The following LRP1B variants were observed in gnomAD, a reference collection of about 807,000 sequenced individuals.
LRP1B encodes the protein low-density lipoprotein receptor-related protein 1B.
In LRP1B, 217 loss-of-function variants were observed where a neutral mutation model predicts 556.6. The ratio of observed to expected loss-of-function variants is 0.39; its 90% CI spans 0.35 to 0.44. The LOEUF is 0.44. Among genes scored for constraint, LRP1B ranks in the 20% least tolerant of loss-of-function variants. LRP1B has a pLI of 1.00. For synonymous variants in LRP1B, 2,047 were observed against 1,865.8 expected (o/e 1.10, Z -2.50); for missense variants, 5,053 against 5,620.8 (o/e 0.90, Z 3.23).
chr2:141,481,636 C>T (rs1340989825), intron 2 of LRP1B, among the ~76,000 whole-genome samples: 1 of 152,176 alleles, frequency 6.6e-6, no homozygotes, highest in Non-Finnish European at 1.5e-5. Flanking sequence ...CTACAAAGCG[C>T]TGAGCACTGC....
intron 2 of LRP1B, among the ~76,000 whole-genome samples, chr2:141,682,546 G>A (rs1691142643): frequency 6.6e-6 from 1 of 152,034 alleles, no homozygotes; most frequent in African/African-American, 2.4e-5. Context: ...CTGAAAAAGT[G>A]GAAAACTTTC....
At chr2:142,010,886 A>G (rs1702941639) in intron 1 of LRP1B, among the ~76,000 whole-genome samples, 1 of 152,182 alleles carries the variant, frequency 6.6e-6, no homozygotes, top group African/African-American at 2.4e-5. Flanking sequence ...AGGGATACAC[A>G]TTAATCACCA....
chr2:141,349,687 TAG>T (rs1460968592), intron 3 of LRP1B, among the ~76,000 whole-genome samples: 1 of 152,114 alleles, frequency 6.6e-6, no homozygotes, highest in African/African-American at 2.4e-5. Context: ...ATCAACTTGT[TAG>T]ATATTTCTCT....
At chr2:141,516,334 C>T (rs1684311772) in intron 2 of LRP1B, among the ~76,000 whole-genome samples, 1 of 152,146 alleles carries the variant, frequency 6.6e-6, no homozygotes, top group Non-Finnish European at 1.5e-5. Flanking sequence ...CAAATCTCCT[C>T]TTTATATACC....
intron 7 of LRP1B, among the ~76,000 whole-genome samples, chr2:141,091,553 G>A (rs1277860907): frequency 6.6e-6 from 1 of 152,060 alleles, no homozygotes; most frequent in African/African-American, 2.4e-5. Flanking sequence ...AGGTGACTTG[G>A]CATGTCTAAA....
chr2:140,304,118 G>A (rs564740656), intron 83 of LRP1B, among the ~76,000 whole-genome samples: 6 of 152,202 alleles, frequency 3.9e-5, no homozygotes, highest in Non-Finnish European at 5.9e-5. Flanking sequence ...CGTAATAAAC[G>A]TACGTGTCCA....
At chr2:140,872,079 T>C (rs1235117610) in intron 25 of LRP1B, among the ~76,000 whole-genome samples, 1 of 73,272 alleles carries the variant, frequency 1.4e-5, no homozygotes, top group Non-Finnish European at 3.0e-5. Context: ...CCTAGGACCT[T>C]GTATTTTTTT....
At chr2:140,892,805 G>A (rs1465382958) in intron 23 of LRP1B, among the ~76,000 whole-genome samples, 1 of 152,136 alleles carries the variant, frequency 6.6e-6, no homozygotes, top group Non-Finnish European at 1.5e-5. Flanking sequence ...ATGTGTGCAT[G>A]CTCTACGACA....
chr2:141,132,717 TA>T (rs977911322), intron 7 of LRP1B, among the ~76,000 whole-genome samples: 60 of 151,596 alleles, frequency 4.0e-4, no homozygotes, highest in African/African-American at 1.4e-3. Flanking sequence ...CTATCCAACT[TA>T]AAAAAAAGTC....
At chr2:141,808,461 G>T (rs148432316) in intron 2 of LRP1B, among the ~76,000 whole-genome samples, 1 of 152,098 alleles carries the variant, frequency 6.6e-6, no homozygotes, top group African/African-American at 2.4e-5. Flanking sequence ...GTTGAAATAC[G>T]GTCTCACTAC....
chr2:140,336,869 T>C (rs1384522525), intron 77 of LRP1B, among the ~76,000 whole-genome samples: 2 of 151,874 alleles, frequency 1.3e-5, no homozygotes, highest in Non-Finnish European at 2.9e-5. Context: ...GCTAGGTTTA[T>C]TGTGCATAAC....
intron 6 of LRP1B, 66 bp from the exon 7 acceptor site, chr2:141,188,649 C>T (rs1205950245): frequency 2.8e-6 from 4 of 1,410,494 alleles, no homozygotes; most frequent in Non-Finnish European, 3.9e-6. Context: ...CCAAAAATAA[C>T]ATAAGTGTTT....
At chr2:140,655,159 A>C (rs914681656) in intron 41 of LRP1B, among the ~76,000 whole-genome samples, 1 of 152,126 alleles carries the variant, frequency 6.6e-6, no homozygotes, top group African/African-American at 2.4e-5. Context: ...CATGCTCAAG[A>C]AATTTTTAAT....
chr2:140,485,452 T>C lies in LRP1B; in HGVS notation c.9316A>G (p.Thr3106Ala). 1 of 1,613,952 alleles carries C rather than the reference T, an allele frequency of 6.2e-7. No homozygotes were observed. Among genetic ancestry groups the C allele is most frequent in the South Asian group, 1.1e-5 (1 of 91,082 alleles). ...WIGKNLYWSD[T>A]EKRIIEVSKL... is the part of the protein sequence containing the mutation. ...GATACTTCAATGATTCTTTTTTCTG[T>C]GTCAGACCAATAGAGGTTTTTTCCA... Residue 3106 changes from threonine (T) to alanine (A), a missense_variant, in exon 59 of 91, where the codon ACA becomes GCA. By Grantham distance (58) the Thr-to-Ala change is moderately conservative. Around this residue, in one of 5 missense-constraint regions of LRP1B, gnomAD observed 3,619 missense variants for 3,931.9 expected, o/e 0.92. Transcript: ENST00000389484.
intron 1 of LRP1B, among the ~76,000 whole-genome samples, chr2:141,894,272 A>C (rs1458786404): frequency 1.3e-5 from 2 of 152,070 alleles, no homozygotes; most frequent in Non-Finnish European, 2.9e-5. Flanking sequence ...ACATGAAAAA[A>C]AATACATACA....
intron 2 of LRP1B, among the ~76,000 whole-genome samples, chr2:141,516,026 A>C (rs1684302102): frequency 6.6e-6 from 1 of 152,206 alleles, no homozygotes; most frequent in South Asian, 2.1e-4. Flanking sequence ...TACAGACAGA[A>C]GACAATTCAG....
At chr2:141,444,479 G>A (rs1348947179) in intron 3 of LRP1B, among the ~76,000 whole-genome samples, 4 of 152,178 alleles carry the variant, frequency 2.6e-5, no homozygotes, top group African/African-American at 9.7e-5. Context: ...TAGGAGTGGT[G>A]AAAGAGGGCA....
chr2:141,637,725 T>C (rs1434018292), intron 2 of LRP1B, among the ~76,000 whole-genome samples: 1 of 152,196 alleles, frequency 6.6e-6, no homozygotes, highest in East Asian at 1.9e-4. Context: ...ACCAGGTACA[T>C]GCTTACGCTG....
intron 2 of LRP1B, among the ~76,000 whole-genome samples, chr2:141,585,564 C>T (rs1687109150): frequency 6.6e-6 from 1 of 151,596 alleles, no homozygotes; most frequent in Non-Finnish European, 1.5e-5. Flanking sequence ...TGAAGGCATG[C>T]TTGCCATATA....
Sources: allele counts gnomAD v4.1 joint callset (sites outside exome capture counted in the v4.1 genomes callset), GRCh38; gene constraint gnomAD v4.1.1; regional missense constraint gnomAD v4.1.1; transcripts MANE v1.5; gene names NCBI Gene and HGNC (gene_info 2026-07-23, HGNC 2026-07-21).